Variants in TRRAP observed in about 807,000 individuals in gnomAD.
TRRAP encodes transformation/transcription domain-associated protein.
TRRAP carries 41 observed loss-of-function variants against 438.8 expected under a neutral mutation model. The observed-to-expected ratio is 0.09, with a 90% CI of 0.07 to 0.12. TRRAP has a LOEUF of 0.12. TRRAP is among the 10% of genes least tolerant of loss of function. The pLI is 1.00. For missense variants in TRRAP, 3,122 were observed against 5,055.1 expected (o/e 0.62, Z 11.60); for synonymous variants, 1,994 against 1,962.9 (o/e 1.02, Z -0.42).
Position 99,000,781 on chromosome 7 carries a change from A to T in TRRAP, c.10310-3409A>T, listed in dbSNP as rs1427595229. 3.3e-5 allele frequency among the ~76,000 whole-genome samples: 5 copies of T among 152,104 alleles called. No homozygotes were observed. The East Asian group carries it at 5.8e-4, about 18-fold the overall frequency. ...CTTTCCCTTCCTCATCAGCACCCTG[A>T]AGGGTCGTGGCCAGGCTGGGCTGGG... On this transcript the variant is annotated intron_variant, in intron 67 of 72. Coordinates refer to ENST00000456197, the MANE Select transcript of TRRAP (RefSeq NM_001375524.1).
At chr7:98,946,042 G>C in intron 33 of TRRAP, 92 bp downstream of exon 33, 2 of 1,282,502 alleles carry the variant, frequency 1.6e-6, no homozygotes, top group Non-Finnish European at 2.0e-6. Context: ...GTACTGGACA[G>C]AGTGCGTTGT....
rs1037876085 is a variant in TRRAP at position 98,970,199 on chromosome 7, C to T, written c.7600C>T (p.Leu2534=). ...MLPSITNVIN[L]ADSHDRAAFA... ...CCCGTCCATCACCAACGTCATCAACCTGGCCGATAGCCACGACCGTGCCGC... is the reference window on the plus strand; with the variant it reads ...CCCGTCCATCACCAACGTCATCAACTTGGCCGATAGCCACGACCGTGCCGC... Residue 2534 remains leucine, a synonymous_variant, in exon 52 of 73, where the codon CTG becomes TTG. Coordinates refer to ENST00000456197, the MANE Select transcript of TRRAP (RefSeq NM_001375524.1). 1.2e-6 allele frequency: 2 copies of T among 1,613,900 alleles called. No homozygotes were observed. The highest frequency in any genetic ancestry group is 1.7e-6 in the Non-Finnish European group (2 of 1,180,028).
At chr7:98,946,572 A>G (rs1462302429) in intron 33 of TRRAP, among the ~76,000 whole-genome samples, 4 of 148,518 alleles carry the variant, frequency 2.7e-5, no homozygotes, top group Non-Finnish European at 3.0e-5. Flanking sequence ...CACACACCAC[A>G]CGCGCACACA....
At position 98,910,242 on chromosome 7, in the gene TRRAP, C is replaced by G. The variant is rs1797012961; in HGVS notation, c.1537C>G (p.Pro513Ala). Residue 513 changes from proline to alanine, a missense_variant, in exon 15 of 73, where the codon CCC (proline) becomes GCC (alanine). By Grantham distance (27) the Pro-to-Ala change is conservative. Transcript: ENST00000456197. ...VPAPPPPPPP[P>A]PPATPVTPAP... is the part of the protein sequence containing the mutation. ...TGCCCCACCTCCACCCCCGCCCCCA[C>G]CCCCACCTGCCACCCCTGTGACCCC... is the stretch of plus-strand genomic sequence containing the variant. 2 of 1,469,736 alleles carry G rather than the reference C, an allele frequency of 1.4e-6. No homozygotes were observed. The allele number at this position is 1,469,736 out of a possible 1,614,324, so 91.0% of individuals were successfully genotyped here. A position where few individuals can be genotyped will look rare whatever the true frequency, so the allele number is the denominator to read the frequency against.
chr7:98,930,275 A>G, intron 24 of TRRAP, 69 bp downstream of exon 24: 2 of 1,558,176 alleles, frequency 1.3e-6, no homozygotes, highest in Non-Finnish European at 1.8e-6. Context: ...CCTTCTAGAA[A>G]CTGATAGTTT....
Position 99,012,206 on chromosome 7 carries a change from G to C in TRRAP, c.11473G>C (p.Val3825Leu). 2 of 1,614,176 alleles carry C rather than the reference G, an allele frequency of 1.2e-6. No homozygotes were observed. Among genetic ancestry groups the C allele is most frequent in the Non-Finnish European group, 1.7e-6 (2 of 1,180,028 alleles). ...GGACAGCCAGCAACTGGTGTCCCTGGTTCAGAAAGCCGTCACCGCCATCAT... is the reference window on the plus strand; with the variant it reads ...GGACAGCCAGCAACTGGTGTCCCTGCTTCAGAAAGCCGTCACCGCCATCAT... ...NMDSQQLVSL[V>L]QKAVTAIMTR... Residue 3825 changes from valine (V) to leucine (L), a missense_variant, in exon 73 of 73, where the codon GTT becomes CTT. Physicochemically the swap from Val to Leu is conservative, Grantham distance 32. Coordinates refer to ENST00000456197, the MANE Select transcript of TRRAP (RefSeq NM_001375524.1). This position sits in a 1 kb window ranked among gnomAD's most constrained non-coding sequence, Gnocchi z 5.9.
chr7:98,993,077 A>G (rs923911654), intron 65 of TRRAP, among the ~76,000 whole-genome samples: 1 of 152,244 alleles, frequency 6.6e-6, no homozygotes, highest in Admixed American at 6.5e-5. Context: ...TTGGCTTTCC[A>G]AACCAGTTTC....
At chr7:98,999,463 C>G in intron 67 of TRRAP, 2 of 825,586 alleles carry the variant, frequency 2.4e-6, no homozygotes, top group Non-Finnish European at 4.2e-6. Context: ...AGCTATCCTT[C>G]TCGGCACTTT....
intron 12 of TRRAP, among the ~76,000 whole-genome samples, chr7:98,904,819 T>G (rs903298182): frequency 6.6e-6 from 1 of 152,230 alleles, no homozygotes. Context: ...TCTCAAAGTT[T>G]TGGTGGAAAG....
Position 98,899,663 on chromosome 7 carries a change from G to C in TRRAP, c.712-16G>C. The C allele has an allele frequency of 1.2e-6, 2 of 1,614,052 alleles. No individual in the cohort carries two copies. The highest frequency in any genetic ancestry group is 1.7e-6 in the Non-Finnish European group (2 of 1,179,956). On this transcript the variant is annotated splice_polypyrimidine_tract_variant and intron_variant, in intron 9 of 72. Coordinates refer to ENST00000456197, the MANE Select transcript of TRRAP (RefSeq NM_001375524.1). Reference sequence around the variant, plus strand: ...CAGAGTGTCAATGTATGAAAATCTGGTATGTTTGCTTTTAGCTCTACAAAC... The same window carrying C: ...CAGAGTGTCAATGTATGAAAATCTGCTATGTTTGCTTTTAGCTCTACAAAC...
At chr7:98,925,681 T>C (rs1297114507) in intron 22 of TRRAP, among the ~76,000 whole-genome samples, 3 of 152,248 alleles carry the variant, frequency 2.0e-5, no homozygotes, top group African/African-American at 7.2e-5. Context: ...TGCTCTTACC[T>C]CTTGAGACTG....
intron 2 of TRRAP, 59 bp from the exon 3 acceptor site, chr7:98,881,916 A>ATTAACATAATTTCC (rs1201150103): frequency 6.4e-7 from 1 of 1,562,766 alleles, no homozygotes; most frequent in Non-Finnish European, 8.7e-7. Flanking sequence ...CAAGTTTTGC[A>ATTAACATAATTTCC]TTAACATAAT....
At chr7:98,988,408 A>G (rs1432600032) in intron 62 of TRRAP, among the ~76,000 whole-genome samples, 3 of 152,244 alleles carry the variant, frequency 2.0e-5, no homozygotes, top group Admixed American at 6.5e-5. Flanking sequence ...TATGTGTGCA[A>G]TGGAATGTTA....
intron 22 of TRRAP, among the ~76,000 whole-genome samples, chr7:98,925,467 GTTGTCGCCTGCCTTTATTGTGTC>G (rs1423786546): frequency 1.3e-5 from 2 of 152,198 alleles, no homozygotes; most frequent in Non-Finnish European, 2.9e-5. Flanking sequence ...AGGGATCACA[GTTGTCGCCTGCCTTTATTGTGTC>G]TTGTCACCTC....
In TRRAP at chr7:98,897,682, T is replaced by C. The variant is rs546401256; in HGVS notation, c.508-59T>C. ...TTTTGTTTTGTTTTGTTTTGTTTTGTTTTTGAATGAATATTGGGTTTGACT... is the reference window on the plus strand; with the variant it reads ...TTTTGTTTTGTTTTGTTTTGTTTTGCTTTTGAATGAATATTGGGTTTGACT... On this transcript the variant is annotated intron_variant, in intron 7 of 72. Coordinates refer to ENST00000456197, the MANE Select transcript of TRRAP (RefSeq NM_001375524.1). The C allele has an allele frequency of 3.5e-4, 541 of 1,554,984 alleles. 5 individuals are homozygous for C. The African/African-American group carries it at 6.4e-3, about 18-fold the overall frequency.
At chr7:98,941,351 T>C (rs975553621) in intron 30 of TRRAP, among the ~76,000 whole-genome samples, 1 of 152,118 alleles carries the variant, frequency 6.6e-6, no homozygotes, top group Non-Finnish European at 1.5e-5. Flanking sequence ...AGTTTTTGCG[T>C]TTTTAGTAGA....
Position 98,977,064 on chromosome 7 carries a change from G to T in TRRAP, c.8373G>T (p.Gly2791=). Residue 2791 remains glycine (G), a synonymous_variant, in exon 56 of 73, where the codon GGG becomes GGT. Transcript: ENST00000456197. ...CTGCGATTGCTTACGAGCAGCACGG[G>T]TTCTTTGAGCAGGTAAACCTCAGAC... ...TATAIAYEQH[G]FFEQAQESYE... 1 of 1,614,224 alleles carries T rather than the reference G, an allele frequency of 6.2e-7. No homozygotes were observed. The highest frequency in any genetic ancestry group is 8.5e-7 in the Non-Finnish European group (1 of 1,180,046).
In TRRAP at chr7:98,948,191, C is replaced by T; in HGVS notation, c.4549-30C>T. The T allele has an allele frequency of 6.2e-7, 1 of 1,613,158 alleles. No individual in the cohort carries two copies. The highest frequency in any genetic ancestry group is 1.1e-5 in the South Asian group (1 of 91,060). On this transcript the variant is annotated intron_variant, in intron 33 of 72. Coordinates refer to ENST00000456197, the MANE Select transcript of TRRAP (RefSeq NM_001375524.1). This position sits in a 1 kb window ranked among gnomAD's most constrained non-coding sequence, Gnocchi z 4.9. Reference sequence around the variant, plus strand: ...TCTGTCACTTGCAAAATTAATCGACCTGTTTATAATTTCTGGTTTTCTTGA... The same window carrying T: ...TCTGTCACTTGCAAAATTAATCGACTTGTTTATAATTTCTGGTTTTCTTGA...
At chr7:98,980,370 C>G (rs575504641) in intron 58 of TRRAP, among the ~76,000 whole-genome samples, 1 of 142,308 alleles carries the variant, frequency 7.0e-6, no homozygotes, top group South Asian at 2.1e-4. Context: ...TAGAGATGTC[C>G]TTCCATCTTT....
Sources: allele counts gnomAD v4.1 joint callset (sites outside exome capture counted in the v4.1 genomes callset), GRCh38; gene constraint gnomAD v4.1.1; non-coding constraint Gnocchi (gnomAD v3.1); transcripts MANE v1.5; gene names NCBI Gene and HGNC (gene_info 2026-07-23, HGNC 2026-07-21).